Variants in C1orf87 observed in about 807,000 individuals in gnomAD.
The protein encoded by C1orf87 is chromosome 1 open reading frame 87.
C1orf87 carries 58 observed loss-of-function variants against 60.5 expected under a neutral mutation model. That is an observed-to-expected ratio of 0.96 (90% confidence interval 0.78 to 1.19). The LOEUF (loss-of-function observed/expected upper bound fraction) is 1.19, where lower values mean the gene tolerates loss of function less well. Among genes scored for constraint, C1orf87 ranks in the 50% most tolerant of loss-of-function variants. C1orf87 has a pLI of 0.00. For synonymous variants in C1orf87, 236 were observed against 227.4 expected (o/e 1.04, Z -0.34); for missense variants, 673 against 638.6 (o/e 1.05, Z -0.58).
At position 60,055,409 on chromosome 1, in the gene C1orf87, G is replaced by A; in HGVS notation, c.137C>T (p.Thr46Ile). 1 of 1,614,034 alleles carries A rather than the reference G, an allele frequency of 6.2e-7. No homozygotes were observed. Among genetic ancestry groups the A allele is most frequent in the South Asian group, 1.1e-5 (1 of 91,074 alleles). ...IKENDSLKTE[T>I]QTMHQKPMTD... is the part of the protein sequence containing the mutation. Reference sequence around the variant, plus strand: ...CATTGGTTTCTGGTGCATTGTTTGGGTTTCTGTTTTCAAGCTGTCATTCTC... The same window carrying A: ...CATTGGTTTCTGGTGCATTGTTTGGATTTCTGTTTTCAAGCTGTCATTCTC... The change falls in exon 3 of 12, where the codon ACC becomes ATC. Residue 46 changes from threonine (T) to isoleucine (I), a missense_variant. Thr to Ile is a moderately conservative substitution (Grantham distance 89). Coordinates refer to ENST00000371201, the MANE Select transcript of C1orf87 (RefSeq NM_152377.3).
At chr1:59,991,595 A>G (rs1227005706) in intron 11 of C1orf87, among the ~76,000 whole-genome samples, 1 of 152,174 alleles carries the variant, frequency 6.6e-6, no homozygotes, top group African/African-American at 2.4e-5. Context: ...GTAGTTGCGG[A>G]ATACAAAGAT....
At chr1:59,997,466 T>C (rs1225124328) in intron 11 of C1orf87, 143 bp downstream of exon 11, 13 of 708,658 alleles carry the variant, frequency 1.8e-5, no homozygotes, top group Non-Finnish European at 3.0e-5. Flanking sequence ...TTCATATTTC[T>C]GGATTGTGCT....
intron 9 of C1orf87, among the ~76,000 whole-genome samples, 195 bp downstream of exon 9, chr1:60,010,197 A>C (rs1164137426): frequency 6.6e-6 from 1 of 152,010 alleles, no homozygotes; most frequent in Non-Finnish European, 1.5e-5. Context: ...TGTGCCTTTT[A>C]TGATCCAACT....
At position 60,038,047 on chromosome 1, in the gene C1orf87, T is replaced by C; in HGVS notation, c.808A>G (p.Asn270Asp). 6.2e-7 allele frequency: 1 copy of C among 1,610,678 alleles called. No individual in the cohort carries two copies. Among genetic ancestry groups the C allele is most frequent in the Non-Finnish European group, 8.5e-7 (1 of 1,177,446 alleles). The change falls in exon 6 of 12, where the codon AAT becomes GAT. Residue 270 changes from asparagine (N) to aspartate (D), a missense_variant. By Grantham distance (23) the Asn-to-Asp change is conservative. Coordinates refer to ENST00000371201, the MANE Select transcript of C1orf87 (RefSeq NM_152377.3). Reference sequence around the variant, plus strand: ...TTTCTCAGGTCTGCAGCTGCTTTATTTTGCTGTGGATAATCTGATGCTGCA... The same window carrying C: ...TTTCTCAGGTCTGCAGCTGCTTTATCTTGCTGTGGATAATCTGATGCTGCA... ...NSAASDYPQQ[N>D]KAAADLRKTE...
At chr1:60,037,912 G>T in intron 6 of C1orf87, 80 bp downstream of exon 6, 1 of 849,172 alleles carries the variant, frequency 1.2e-6, no homozygotes, top group Non-Finnish European at 1.8e-6. Context: ...AAGCCACCCA[G>T]TTTATGGTAC....
intron 2 of C1orf87, among the ~76,000 whole-genome samples, chr1:60,065,616 C>T (rs748212874): frequency 4.6e-5 from 7 of 152,194 alleles, no homozygotes; most frequent in Admixed American, 2.0e-4. Context: ...CATGGCTTGG[C>T]ACTCAGTAGG....
chr1:60,041,106 C>T lies in C1orf87; in HGVS notation c.368G>A (p.Cys123Tyr), dbSNP rs778224498. The change falls in exon 4 of 12, where the codon TGC (cysteine) becomes TAC (tyrosine). Residue 123 changes from cysteine (C) to tyrosine (Y), a missense_variant. Physicochemically the swap from Cys to Tyr is radical, Grantham distance 194. Transcript: ENST00000371201. ...CTGGTCTCCGGTTGGTACAGAGCTG[C>T]AGTGGACATTTGCTTGACTGGGAAT... ...GNIPSQANVH[C>Y]SSVPTGDQSL... is the part of the protein sequence containing the mutation. The T allele has an allele frequency of 5.0e-6, 8 of 1,591,406 alleles. No individual in the cohort carries two copies. In the Admixed American group the frequency reaches 1.2e-4, roughly 24 times the overall value.
chr1:59,995,159 C>A (rs1403826111), intron 11 of C1orf87, among the ~76,000 whole-genome samples: 1 of 151,878 alleles, frequency 6.6e-6, no homozygotes, highest in Non-Finnish European at 1.5e-5. Context: ...ATCTCCCAGT[C>A]TTTGGAGAGT....
At chr1:60,062,490 G>A (rs935191832) in intron 2 of C1orf87, among the ~76,000 whole-genome samples, 1 of 152,050 alleles carries the variant, frequency 6.6e-6, no homozygotes, top group Non-Finnish European at 1.5e-5. Flanking sequence ...CTAAACACCT[G>A]CCAGCACTGG....
At chr1:59,992,259 T>C (rs968502904) in intron 11 of C1orf87, among the ~76,000 whole-genome samples, 1 of 143,872 alleles carries the variant, frequency 7.0e-6, no homozygotes, top group South Asian at 2.2e-4. Flanking sequence ...TATTTATTTA[T>C]TTATTTTTTA....
chr1:59,995,278 C>G (rs1407628381), intron 11 of C1orf87, among the ~76,000 whole-genome samples: 5 of 152,178 alleles, frequency 3.3e-5, no homozygotes, highest in Non-Finnish European at 7.3e-5. Context: ...AACCTCATCA[C>G]CACTCTCATA....
chr1:60,055,533 C>A (rs1338215604), intron 2 of C1orf87, 95 bp from the exon 3 acceptor site: 1 of 1,052,848 alleles, frequency 9.5e-7, no homozygotes. Flanking sequence ...GTGTTGTGAA[C>A]AGTAGAAACT....
chr1:60,016,003 G>A (rs571081531), intron 8 of C1orf87, among the ~76,000 whole-genome samples: 1 of 152,146 alleles, frequency 6.6e-6, no homozygotes, highest in African/African-American at 2.4e-5. Context: ...CTCCCACCTC[G>A]GCCTCCCAAA....
chr1:60,057,363 G>A (rs1645464701), intron 2 of C1orf87, among the ~76,000 whole-genome samples: 1 of 152,170 alleles, frequency 6.6e-6, no homozygotes, highest in African/African-American at 2.4e-5. Flanking sequence ...TAGACAGGAA[G>A]TATAAAGACC....
intron 7 of C1orf87, among the ~76,000 whole-genome samples, chr1:60,030,798 C>G (rs557628343): frequency 6.6e-6 from 1 of 152,344 alleles, no homozygotes; most frequent in South Asian, 2.1e-4. Context: ...CAGAAACCAT[C>G]ATTGCATTGA....
At chr1:60,056,475 C>T (rs1185409418) in intron 2 of C1orf87, among the ~76,000 whole-genome samples, 1 of 152,054 alleles carries the variant, frequency 6.6e-6, no homozygotes, top group Non-Finnish European at 1.5e-5. Flanking sequence ...TTGACTATTT[C>T]ATTCTTTGCT....
chr1:60,004,218 C>T lies in C1orf87; in HGVS notation c.1193-3062G>A, dbSNP rs574581680. Among the ~76,000 whole-genome samples, 3 of 152,110 alleles carry T rather than the reference C, an allele frequency of 2.0e-5. No individual in the cohort carries two copies. The East Asian group carries it at 5.8e-4, about 29-fold the overall frequency. ...TAACCCTGATTCTTCTCTTTACCAG[C>T]TTCAAGCTTTTGGATCTTAATTCTT... On this transcript the variant is annotated intron_variant, in intron 9 of 11. Transcript: ENST00000371201.
chr1:60,066,634 T>A (rs999561038), intron 2 of C1orf87, among the ~76,000 whole-genome samples: 1 of 152,110 alleles, frequency 6.6e-6, no homozygotes, highest in African/African-American at 2.4e-5. Context: ...TATTCCAAAC[T>A]CTTGTTAATG....
At chr1:60,070,214 A>C (rs1335271960) in intron 2 of C1orf87, among the ~76,000 whole-genome samples, 1 of 152,168 alleles carries the variant, frequency 6.6e-6, no homozygotes, top group Non-Finnish European at 1.5e-5. Flanking sequence ...GGCTACCTTC[A>C]AGTCTGTCAT....
Sources: allele counts gnomAD v4.1 joint callset (sites outside exome capture counted in the v4.1 genomes callset), GRCh38; gene constraint gnomAD v4.1.1; transcripts MANE v1.5; gene names NCBI Gene and HGNC (gene_info 2026-07-23, HGNC 2026-07-21).